The following TICRR variants were observed in gnomAD, a reference collection of about 807,000 sequenced individuals.
TICRR encodes the protein treslin.
Under a neutral mutation model 178.1 loss-of-function variants are expected in TICRR, and 132 were observed. That is an observed-to-expected ratio of 0.74 (90% CI 0.64 to 0.86). The LOEUF is 0.86. TICRR is among the 40% of genes least tolerant of loss of function. TICRR has a pLI of 0.00. For missense variants in TICRR, 2,587 were observed against 2,334.3 expected (o/e 1.11, Z -2.23); for synonymous variants, 991 against 900.7 (o/e 1.10, Z -1.79).
rs754002048 is a variant in TICRR, at chr15:89,601,580, G to C, written c.2327+12G>C. On this transcript the variant is annotated intron_variant, in intron 11 of 21. Transcript: ENST00000268138. ...GAAATTTTGAGATTGTAAGTTTGAT[G>C]GTTACTAACTTAACTTTAAAATTGT... 4 of 1,612,916 alleles carry C rather than the reference G, an allele frequency of 2.5e-6. No individual in the cohort carries two copies. Among genetic ancestry groups the C allele is most frequent in the Non-Finnish European group, 3.4e-6 (4 of 1,178,982 alleles).
chr15:89,575,630 G>A lies in TICRR; in HGVS notation c.44G>A (p.Gly15Asp), dbSNP rs1385395490. 1 of 1,544,840 alleles carries A rather than the reference G, an allele frequency of 6.5e-7. No individual in the cohort carries two copies. The highest frequency in any genetic ancestry group is 2.1e-5 in the Admixed American group (1 of 48,112). ...HKVMLLLDTA[G>D]GAARHSRVRR... The stretch of plus-strand genomic sequence containing the variant: ...GTAATGCTGCTGCTGGACACCGCGG[G>A]CGGCGCCGCCCGCCACAGCCGGGTC... The change falls in exon 1 of 22, where the codon GGC (glycine) becomes GAC (aspartate). Residue 15 changes from glycine to aspartate, a missense_variant. Transcript: ENST00000268138.
At chr15:89,578,861 A>T (rs752648450) in intron 1 of TICRR, among the ~76,000 whole-genome samples, 3 of 152,066 alleles carry the variant, frequency 2.0e-5, no homozygotes, top group Non-Finnish European at 4.4e-5. Flanking sequence ...ATCATTTTCT[A>T]TTCAAAAACC....
chr15:89,625,182 C>A lies in TICRR; in HGVS notation c.4872C>A (p.Pro1624=). ...AACCTGAACCCACCTATGTGTCACC[C>A]CCCTGCCCCCGCCTCTCCCACAGCA... ...LSKPEPTYVS[P]PCPRLSHSTP... The change falls in exon 20 of 22, where the codon CCC becomes CCA. Residue 1624 remains proline (P), a synonymous_variant. Coordinates refer to ENST00000268138, the MANE Select transcript of TICRR (RefSeq NM_152259.4). The A allele has an allele frequency of 6.2e-7, 1 of 1,613,820 alleles. No homozygotes were observed. Among genetic ancestry groups the A allele is most frequent in the Non-Finnish European group, 8.5e-7 (1 of 1,179,940 alleles).
chr15:89,583,151 T>C (rs1190120563), intron 2 of TICRR, among the ~76,000 whole-genome samples, 186 bp downstream of exon 2: 1 of 152,286 alleles, frequency 6.6e-6, no homozygotes, highest in Non-Finnish European at 1.5e-5. Flanking sequence ...AACTCTTAAT[T>C]CAGTACAACT....
chr15:89,612,938 T>G (rs891626084), intron 15 of TICRR, among the ~76,000 whole-genome samples: 3 of 152,366 alleles, frequency 2.0e-5, no homozygotes, highest in African/African-American at 7.2e-5. Context: ...TTTATAATCA[T>G]TACTTTGTAT....
chr15:89,611,615 G>A (rs1963257722), intron 15 of TICRR, among the ~76,000 whole-genome samples: 1 of 151,882 alleles, frequency 6.6e-6, no homozygotes, highest in Admixed American at 6.6e-5. Flanking sequence ...TGATATATGT[G>A]TTGGTACACT....
At chr15:89,585,602 C>T (rs1184013460) in intron 3 of TICRR, 106 bp from the exon 4 acceptor site, 6 of 781,722 alleles carry the variant, frequency 7.7e-6, no homozygotes, top group Non-Finnish European at 1.3e-5. Flanking sequence ...ATAGTTTTCA[C>T]GTTAATAATA....
chr15:89,577,329 C>T (rs1962641712), intron 1 of TICRR, among the ~76,000 whole-genome samples: 1 of 152,154 alleles, frequency 6.6e-6, no homozygotes, highest in Non-Finnish European at 1.5e-5. Context: ...AGGCCCCCTG[C>T]TCCTGTTAAG....
Position 89,576,001 on chromosome 15 carries a change from G to T in TICRR, c.415G>T (p.Glu139Ter). The T allele has an allele frequency of 6.2e-7, 1 of 1,606,984 alleles. No homozygotes were observed. The highest frequency in any genetic ancestry group is 8.5e-7 in the Non-Finnish European group (1 of 1,177,840). Residue 139 changes from glutamate to a stop codon, truncating the protein, a stop_gained, in exon 1 of 22, where the codon GAG becomes TAG. Coordinates refer to ENST00000268138, the MANE Select transcript of TICRR (RefSeq NM_152259.4). LOFTEE classifies it high-confidence loss of function. ...SGRRLLDVESEAKEAEAALGG... is the reference protein window; with the variant it reads ...SGRRLLDVES The stretch of plus-strand genomic sequence containing the variant: ...GAGGAGACTGCTGGACGTGGAGAGC[G>T]AGGCCAAGGAGGCCGAGGCCGCGCT...
In TICRR at chr15:89,624,937, C is replaced by G. The variant is rs1424215095; in HGVS notation, c.4627C>G (p.Leu1543Val). 1.9e-6 allele frequency: 3 copies of G among 1,614,132 alleles called. No homozygotes were observed. The highest frequency in any genetic ancestry group is 2.2e-5 in the South Asian group (2 of 91,084). Residue 1543 changes from leucine (L) to valine (V), a missense_variant, in exon 20 of 22, where the codon CTG becomes GTG. Leu to Val is a conservative substitution (Grantham distance 32). Transcript: ENST00000268138. ...QCQASAQLDNLPASAWHSTDS... is the reference protein window; with the variant it reads ...QCQASAQLDNVPASAWHSTDS... The stretch of plus-strand genomic sequence containing the variant: ...CCAGGCTTCGGCACAACTAGACAAC[C>G]TGCCAGCATCAGCTTGGCATTCCAC...
chr15:89,601,236 G>C (rs1483440937), intron 9 of TICRR, 62 bp from the exon 10 acceptor site: 1 of 1,448,654 alleles, frequency 6.9e-7, no homozygotes, highest in African/African-American at 1.4e-5. Flanking sequence ...TATGCTTACG[G>C]AAGGAGCTTT....
chr15:89,576,297 G>C (rs1962613663), intron 1 of TICRR, 57 bp downstream of exon 1: 10 of 1,455,370 alleles, frequency 6.9e-6, no homozygotes, highest in African/African-American at 1.4e-5. Context: ...TTGCTAACCA[G>C]AACTTGGCAG....
rs371143953 is a variant in TICRR, at chr15:89,601,964, C to A, written c.2555C>A (p.Ala852Asp). The A allele has an allele frequency of 3.3e-5, 53 of 1,613,884 alleles. No homozygotes were observed. In the African/African-American group the frequency reaches 6.4e-4, roughly 20 times the overall value. The change falls in exon 12 of 22, where the codon GCC becomes GAC. Residue 852 changes from alanine (A) to aspartate (D), a missense_variant. Transcript: ENST00000268138. The part of the protein sequence containing the change: ...DELQELRTRS[A>D]KKRRKNALIR... The stretch of plus-strand genomic sequence containing the variant: ...CTGCAGGAACTTCGTACCAGATCAG[C>A]CAAGAAGAGAAGGTAAGAGGTCAAA...
In TICRR at chr15:89,576,056, T is replaced by G. The variant is rs1567037597; in HGVS notation, c.470T>G (p.Leu157Arg). The G allele has an allele frequency of 6.2e-7, 1 of 1,611,666 alleles. No homozygotes were observed. Among genetic ancestry groups the G allele is most frequent in the African/African-American group, 1.3e-5 (1 of 75,032 alleles). The change falls in exon 1 of 22, where the codon CTG (leucine) becomes CGG (arginine). Residue 157 changes from leucine to arginine, a missense_variant. Physicochemically the swap from Leu to Arg is moderately radical, Grantham distance 102 (BLOSUM62 -2). Transcript: ENST00000268138. ...GGCTTGGTGAACGCCGTCTTCCTCC[T>G]GGCCCCCTGTCCGCACTCGCAGAGG... ...LGGLVNAVFL[L>R]APCPHSQREL...
chr15:89,588,590 T>G (rs1475460052), intron 4 of TICRR, among the ~76,000 whole-genome samples: 1 of 151,690 alleles, frequency 6.6e-6, no homozygotes, highest in African/African-American at 2.4e-5. Flanking sequence ...AGCTAAAAAA[T>G]AGGTGGAGGT....
chr15:89,593,824 G>A (rs1028936294), intron 5 of TICRR, among the ~76,000 whole-genome samples: 1 of 152,080 alleles, frequency 6.6e-6, no homozygotes, highest in South Asian at 2.1e-4. Flanking sequence ...TTTTTAATCA[G>A]TTATATCAGA....
rs1032643371 is a variant in TICRR at position 89,619,807 on chromosome 15, T to C, written c.3119T>C (p.Val1040Ala). ...GTGTCTCAGCCGAAGTCTCGAAGTG[T>C]GCAAAGAGTCCACTCTTTCCAGCAA... ...YSVSQPKSRS[V>A]QRVHSFQQDK... is the part of the protein sequence containing the mutation. Residue 1040 changes from valine to alanine, a missense_variant, in exon 18 of 22, where the codon GTG (valine) becomes GCG (alanine). Coordinates refer to ENST00000268138, the MANE Select transcript of TICRR (RefSeq NM_152259.4). 4 of 1,613,514 alleles carry C rather than the reference T, an allele frequency of 2.5e-6. No homozygotes were observed. The African/African-American group carries it at 5.3e-5, about 22-fold the overall frequency.
chr15:89,594,177 A>T (rs112826217), intron 5 of TICRR, among the ~76,000 whole-genome samples: 3 of 152,206 alleles, frequency 2.0e-5, no homozygotes, highest in Non-Finnish European at 4.4e-5. Flanking sequence ...ATAAAAGTCA[A>T]TATTATATGT....
In TICRR at chr15:89,606,933, T is replaced by C. The variant is rs1470193298; in HGVS notation, c.2722+108T>C. 6.0e-6 allele frequency: 5 copies of C among 839,366 alleles called. No individual in the cohort carries two copies. The Admixed American group carries it at 1.1e-4, about 19-fold the overall frequency. The allele number at this position is 839,366 out of a possible 1,614,324, so 52.0% of individuals were successfully genotyped here. On this transcript the variant is annotated intron_variant, in intron 14 of 21. Transcript: ENST00000268138. The stretch of plus-strand genomic sequence containing the variant: ...AGGTGTAAATTAAGGCTTTGTATGA[T>C]TGTTGGCTAATAAAATATGTCCAAA...
Sources: gnomAD v4.1 joint callset for allele counts (sites outside exome capture counted in the v4.1 genomes callset) on GRCh38, gnomAD v4.1.1 for gene constraint, MANE v1.5 for transcripts, NCBI Gene and HGNC (gene_info 2026-07-23, HGNC 2026-07-21) for gene names.